Variants in SNX8 observed in about 807,000 individuals in gnomAD.
SNX8 encodes the protein sorting nexin-8.
Under a neutral mutation model 51.6 loss-of-function variants are expected in SNX8, and 25 were observed. The observed-to-expected ratio is 0.48, with a 90% CI of 0.35 to 0.68. The LOEUF is 0.68. SNX8 is among the 30% of genes least tolerant of loss of function. The pLI is 0.00. For missense variants in SNX8, 695 were observed against 624.0 expected, an observed-to-expected ratio of 1.11 and a Z score of -1.21; for synonymous variants, 324 against 277.0, an observed-to-expected ratio of 1.17 and a Z score of -1.68.
chr7:2,335,190 T>C (rs1335163669), intron 1 of SNX8, among the ~76,000 whole-genome samples: 3 of 142,782 alleles, frequency 2.1e-5, no homozygotes, highest in Non-Finnish European at 4.7e-5. Flanking sequence ...AGTGAGACTC[T>C]GTCTCAAAAG....
intron 1 of SNX8, among the ~76,000 whole-genome samples, chr7:2,321,101 C>A (rs1778502163): frequency 6.6e-6 from 1 of 152,178 alleles, no homozygotes; most frequent in Admixed American, 6.6e-5. Flanking sequence ...GACAGCCAGA[C>A]AAGGTCTCTG....
chr7:2,346,732 C>T (rs562211214), intron 1 of SNX8, among the ~76,000 whole-genome samples: 7 of 95,218 alleles, frequency 7.4e-5, no homozygotes, highest in Non-Finnish European at 1.0e-4. Flanking sequence ...GGCTGGACTC[C>T]GTCTCAAAAA....
chr7:2,304,325 A>G (rs1796493496), intron 1 of SNX8, among the ~76,000 whole-genome samples: 1 of 151,826 alleles, frequency 6.6e-6, no homozygotes, highest in African/African-American at 2.4e-5. Context: ...TGGGCAGATC[A>G]CGAGGTCAGG....
chr7:2,333,873 A>G (rs995463402), intron 1 of SNX8, among the ~76,000 whole-genome samples: 6 of 152,154 alleles, frequency 3.9e-5, no homozygotes, highest in Non-Finnish European at 8.8e-5. Flanking sequence ...TTACAGGCTC[A>G]TGCCCGTAAT....
At chr7:2,301,978 C>G (rs1322910843) in intron 1 of SNX8, among the ~76,000 whole-genome samples, 1 of 152,152 alleles carries the variant, frequency 6.6e-6, no homozygotes, top group Admixed American at 6.5e-5. Flanking sequence ...CGCGGTGGCT[C>G]ACACCTGTAA....
At chr7:2,304,154 G>A (rs1192557652) in intron 1 of SNX8, among the ~76,000 whole-genome samples, 8 of 146,304 alleles carry the variant, frequency 5.5e-5, no homozygotes, top group South Asian at 2.2e-4. Flanking sequence ...ACGACAGAGC[G>A]AGACTCCGTC....
chr7:2,336,409 T>TAA (rs1193060442), intron 1 of SNX8, among the ~76,000 whole-genome samples: 1 of 148,106 alleles, frequency 6.8e-6, no homozygotes, highest in Non-Finnish European at 1.5e-5. Context: ...ATAACAATAA[T>TAA]AACAAATTTT....
upstream of SNX8, among the ~76,000 whole-genome samples, chr7:2,315,208 CCACT>C (rs1366156388): frequency 4.0e-5 from 6 of 148,684 alleles, no homozygotes; most frequent in Non-Finnish European, 6.0e-5. Flanking sequence ...ATTCATTCAC[CCACT>C]CACTCACTGC....
At position 2,340,552 on chromosome 7, in the gene SNX8, T is replaced by G. The variant is rs140785699; in HGVS notation, c.-66+13670A>C. On this transcript the variant is annotated intron_variant, in intron 1 of 5. Coordinates refer to the SNX8 transcript ENST00000435336. ...CCTTTAGGACTACTGCATGCATACT[T>G]TAGTTGTCAAACTCTAAAACTAGGC... Among the ~76,000 whole-genome samples, 250 of 151,948 alleles carry G rather than the reference T, an allele frequency of 1.6e-3. 2 individuals are homozygous for G. Among genetic ancestry groups the G allele is most frequent in the African/African-American group, 5.9e-3 (246 of 41,480 alleles).
chr7:2,332,022 T>G (rs1778745988), intron 1 of SNX8, among the ~76,000 whole-genome samples: 1 of 151,936 alleles, frequency 6.6e-6, no homozygotes, highest in South Asian at 2.1e-4. Context: ...GTAGGCAACA[T>G]AGCAAGACCC....
chr7:2,270,013 T>C (rs767066368), intron 4 of SNX8, among the ~76,000 whole-genome samples: 1 of 152,060 alleles, frequency 6.6e-6, no homozygotes, highest in African/African-American at 2.4e-5. Flanking sequence ...CAGAGATACC[T>C]GAGACCCTGG....
intron 1 of SNX8, among the ~76,000 whole-genome samples, chr7:2,290,127 A>T (rs915330201): frequency 6.6e-6 from 1 of 152,128 alleles, no homozygotes; most frequent in Non-Finnish European, 1.5e-5. Context: ...TGGGAGGTGG[A>T]GGTTGCAGTG....
intron 1 of SNX8, among the ~76,000 whole-genome samples, chr7:2,327,501 T>G (rs1778643732): frequency 6.6e-6 from 1 of 150,838 alleles, no homozygotes; most frequent in Non-Finnish European, 1.5e-5. Context: ...TCCGCATCTC[T>G]GGTTCATGCC....
At chr7:2,287,905 A>G (rs1796069277) in intron 1 of SNX8, 1 of 151,990 alleles carries the variant, frequency 6.6e-6, no homozygotes, top group East Asian at 1.9e-4. Context: ...AAAAAAAAAA[A>G]AAAGAACTAT....
At chr7:2,289,163 G>A (rs540738452) in intron 1 of SNX8, among the ~76,000 whole-genome samples, 3 of 152,282 alleles carry the variant, frequency 2.0e-5, no homozygotes, top group Admixed American at 2.0e-4. Flanking sequence ...TGTGGTGGGC[G>A]CCGCTGCGTG....
At chr7:2,344,940 T>A (rs1407521591) in intron 1 of SNX8, among the ~76,000 whole-genome samples, 1 of 152,122 alleles carries the variant, frequency 6.6e-6, no homozygotes, top group African/African-American at 2.4e-5. Context: ...GAAATGCAAA[T>A]TCAAACAACA....
intron 1 of SNX8, among the ~76,000 whole-genome samples, chr7:2,326,867 A>G (rs1342466973): frequency 6.6e-6 from 1 of 152,130 alleles, no homozygotes; most frequent in Non-Finnish European, 1.5e-5. Flanking sequence ...GCACTTTGGG[A>G]GGCCGAGGCA....
At chr7:2,332,516 G>T (rs923813737) in intron 1 of SNX8, among the ~76,000 whole-genome samples, 2 of 152,066 alleles carry the variant, frequency 1.3e-5, no homozygotes, top group African/African-American at 2.4e-5. Context: ...CACCTAGGAA[G>T]GTCGAAGTAG....
chr7:2,310,265 C>T (rs1212007070), intron 1 of SNX8, among the ~76,000 whole-genome samples: 1 of 152,134 alleles, frequency 6.6e-6, no homozygotes, highest in Non-Finnish European at 1.5e-5. Context: ...GAAAAAAACC[C>T]TTATCCTGCA....
Sources: allele counts gnomAD v4.1 joint callset (sites outside exome capture counted in the v4.1 genomes callset), GRCh38; gene constraint gnomAD v4.1.1; transcripts MANE v1.5; gene names NCBI Gene and HGNC (gene_info 2026-07-23, HGNC 2026-07-21).